The following SUGCT variants were observed in gnomAD, a reference collection of about 807,000 sequenced individuals.
The protein encoded by SUGCT is succinyl-CoA:glutarate CoA-transferase.
Under a neutral mutation model 55.0 loss-of-function variants are expected in SUGCT, and 41 were observed. That is an observed-to-expected ratio of 0.74 (90% CI 0.58 to 0.97). SUGCT has a LOEUF of 0.97. Ranked by LOEUF, SUGCT falls within the 50% of genes least tolerant of loss-of-function variation. The pLI is 0.00. For missense variants in SUGCT, 568 were observed against 547.8 expected (o/e 1.04, Z -0.37); for synonymous variants, 187 against 200.4 (o/e 0.93, Z 0.56).
the SUGCT span, among the ~76,000 whole-genome samples, chr7:40,878,203 G>A: frequency 6.6e-6 from 1 of 151,986 alleles, no homozygotes; most frequent in Non-Finnish European, 1.5e-5. Context: ...CTTGTTTTAT[G>A]AACATTATCT....
intron 12 of SUGCT, among the ~76,000 whole-genome samples, chr7:40,699,724 C>T (rs1416971028): frequency 2.6e-5 from 4 of 151,946 alleles, no homozygotes; most frequent in Non-Finnish European, 4.4e-5. Flanking sequence ...CAAAAATGAG[C>T]CGAGCCTGGT....
At chr7:40,914,907 C>T in the SUGCT span, among the ~76,000 whole-genome samples, 4 of 152,072 alleles carry the variant, frequency 2.6e-5, no homozygotes, top group Non-Finnish European at 4.4e-5. Flanking sequence ...TACAATTTGG[C>T]TAAGAGATGC....
intron 11 of SUGCT, among the ~76,000 whole-genome samples, chr7:40,495,550 G>A (rs754269714): frequency 1.6e-4 from 25 of 152,052 alleles, no homozygotes; most frequent in Non-Finnish European, 2.6e-4. Context: ...TTTTATTTCT[G>A]TGTTCACTGT....
At chr7:40,735,759 A>G (rs904258022) in intron 12 of SUGCT, among the ~76,000 whole-genome samples, 2 of 152,190 alleles carry the variant, frequency 1.3e-5, no homozygotes, top group East Asian at 1.9e-4. Flanking sequence ...AAGACTGAAG[A>G]AAAAAACAGT....
intron 12 of SUGCT, among the ~76,000 whole-genome samples, chr7:40,528,364 T>C (rs538308546): frequency 2.0e-5 from 3 of 152,292 alleles, no homozygotes; most frequent in South Asian, 4.1e-4. Context: ...CCTTAAATAT[T>C]ATACCTTTAG....
At chr7:40,903,355 A>C in the SUGCT span, among the ~76,000 whole-genome samples, 1 of 152,102 alleles carries the variant, frequency 6.6e-6, no homozygotes, top group Non-Finnish European at 1.5e-5. Flanking sequence ...CTAGACAGAG[A>C]ATTATGGAAA....
chr7:40,746,015 C>T (rs1028526747), intron 12 of SUGCT, among the ~76,000 whole-genome samples: 1 of 152,098 alleles, frequency 6.6e-6, no homozygotes, highest in Non-Finnish European at 1.5e-5. Flanking sequence ...CATTTAGTAA[C>T]CATTCACCAA....
chr7:40,671,688 A>C (rs542415728), intron 12 of SUGCT, among the ~76,000 whole-genome samples: 29 of 152,330 alleles, frequency 1.9e-4, no homozygotes, highest in Admixed American at 1.7e-3. Flanking sequence ...ACAAACTACA[A>C]ATGCTGGTGA....
chr7:40,855,318 T>C (rs1217818389), intron 13 of SUGCT, among the ~76,000 whole-genome samples: 2 of 151,900 alleles, frequency 1.3e-5, no homozygotes, highest in Non-Finnish European at 2.9e-5. Context: ...CCTCTTCTAC[T>C]CTTTTTGCCT....
chr7:40,439,012 TTG>T (rs1203647358), intron 9 of SUGCT, among the ~76,000 whole-genome samples: 51 of 138,794 alleles, frequency 3.7e-4, no homozygotes, highest in African/African-American at 1.2e-3. Flanking sequence ...TATGTAGAAA[TTG>T]TGTGTGTGTA....
At chr7:40,474,063 G>T (rs1790534521) in intron 11 of SUGCT, among the ~76,000 whole-genome samples, 1 of 152,166 alleles carries the variant, frequency 6.6e-6, no homozygotes, top group East Asian at 1.9e-4. Flanking sequence ...CTGTAGTTTA[G>T]CTGGTAACAT....
At chr7:41,028,709 T>A in the SUGCT span, among the ~76,000 whole-genome samples, 1 of 152,252 alleles carries the variant, frequency 6.6e-6, no homozygotes, top group Non-Finnish European at 1.5e-5. Flanking sequence ...CCTTTCTATG[T>A]ACAGTCCATT....
At position 40,586,288 on chromosome 7, in the gene SUGCT, A is replaced by G. The variant is rs970133431; in HGVS notation, c.1089+89902A>G. 3.9e-5 allele frequency among the ~76,000 whole-genome samples: 6 copies of G among 152,224 alleles called. No individual in the cohort carries two copies. The East Asian group carries it at 1.2e-3, about 29-fold the overall frequency. On this transcript the variant is annotated intron_variant, in intron 12 of 13. Coordinates refer to ENST00000335693, the MANE Select transcript of SUGCT (RefSeq NM_001193313.2). ...ATATTCTATATCCTCATTGCCCAAT[A>G]TGGCAGCCACTAGCCGTTTTGCTTG...
intron 10 of SUGCT, among the ~76,000 whole-genome samples, chr7:40,453,824 A>G (rs1313136021): frequency 1.3e-5 from 2 of 152,246 alleles, no homozygotes; most frequent in Middle Eastern, 3.2e-3. Flanking sequence ...CAGGCCATCA[A>G]TGCCAACGCG....
At chr7:40,685,389 T>A (rs1003941190) in intron 12 of SUGCT, among the ~76,000 whole-genome samples, 1 of 152,232 alleles carries the variant, frequency 6.6e-6, no homozygotes, top group African/African-American at 2.4e-5. Flanking sequence ...CGTTGCTGTT[T>A]GACTGTCTTC....
rs183207311 is a variant in SUGCT at position 40,655,716 on chromosome 7, C to A, written c.1090-93718C>A. ...GAGGGGTAGGGGACAGTGGTGAAAT[C>A]AAAAATGTTCAGTTTACCACAATCA... On this transcript the variant is annotated intron_variant, in intron 12 of 13. Coordinates refer to ENST00000335693, the MANE Select transcript of SUGCT (RefSeq NM_001193313.2). Among the ~76,000 whole-genome samples the A allele has an allele frequency of 1.3e-3, 202 of 152,180 alleles. 2 individuals carry two copies. Among genetic ancestry groups the A allele is most frequent in the Middle Eastern group, 6.8e-3 (2 of 294 alleles).
the SUGCT span, among the ~76,000 whole-genome samples, chr7:40,957,997 C>T: frequency 2.0e-5 from 3 of 152,118 alleles, no homozygotes; most frequent in Non-Finnish European, 4.4e-5. Flanking sequence ...GGCCCCCACT[C>T]TTCTGGCTTG....
rs9769180 is a variant in SUGCT, at chr7:40,364,496, G to T, written c.816+47641G>T. ...TTTAGTGCTTCCTTCAGGAGCTCTT[G>T]TAGGGCAGGCCTGGTGGTGACAAAA... On this transcript the variant is annotated intron_variant, in intron 9 of 13. Coordinates refer to ENST00000335693, the MANE Select transcript of SUGCT (RefSeq NM_001193313.2). 2.9e-3 allele frequency among the ~76,000 whole-genome samples: 434 copies of T among 152,144 alleles called. 1 individual carries two copies. The highest frequency in any genetic ancestry group is 9.4e-3 in the African/African-American group (390 of 41,492).
intron 9 of SUGCT, among the ~76,000 whole-genome samples, chr7:40,362,035 AAT>A (rs1798181032): frequency 6.6e-6 from 1 of 151,988 alleles, no homozygotes; most frequent in Non-Finnish European, 1.5e-5. Context: ...AGAGGACTGT[AAT>A]ACACGTAGGC....
Sources: gnomAD v4.1 joint callset for allele counts (sites outside exome capture counted in the v4.1 genomes callset) on GRCh38, gnomAD v4.1.1 for gene constraint, MANE v1.5 for transcripts, NCBI Gene and HGNC (gene_info 2026-07-23, HGNC 2026-07-21) for gene names.